The following LRRTM4 variants were observed in gnomAD, a reference collection of about 807,000 sequenced individuals.
LRRTM4 encodes the protein leucine-rich repeat transmembrane neuronal protein 4.
In LRRTM4, 25 loss-of-function variants were observed where a neutral mutation model predicts 47.6. The observed-to-expected ratio is 0.53, with a 90% CI of 0.38 to 0.73. The LOEUF (loss-of-function observed/expected upper bound fraction) is 0.73. LRRTM4 is among the 30% of genes least tolerant of loss of function. The pLI, the probability that LRRTM4 is intolerant of heterozygous loss-of-function variation, is 0.00. For synonymous variants in LRRTM4, 311 were observed against 269.5 expected (o/e 1.15, Z -1.51); for missense variants, 638 against 713.4 (o/e 0.89, Z 1.20).
rs1183613920 is a variant in LRRTM4 at position 77,302,991 on chromosome 2, T to C, written c.1551+215327A>G. 2.6e-5 allele frequency among the ~76,000 whole-genome samples: 4 copies of C among 151,400 alleles called. No homozygotes were observed. The East Asian group carries it at 7.7e-4, about 29-fold the overall frequency. Reference sequence around the variant, plus strand: ...TGGAAACAGAAATGACAAAACTGTTTAATGTTAAAATAAAAAGATCTATCT... The same window carrying C: ...TGGAAACAGAAATGACAAAACTGTTCAATGTTAAAATAAAAAGATCTATCT... On this transcript the variant is annotated intron_variant, in intron 3 of 3. Transcript: ENST00000409884.
At chr2:77,509,552 C>T (rs182974918) in intron 3 of LRRTM4, among the ~76,000 whole-genome samples, 261 of 152,164 alleles carry the variant, frequency 1.7e-3, no homozygotes, top group Non-Finnish European at 3.0e-3. Flanking sequence ...AACCACAACA[C>T]GTGTTTCTAC....
chr2:76,848,660 G>T (rs1035355913), intron 3 of LRRTM4, among the ~76,000 whole-genome samples: 3 of 151,868 alleles, frequency 2.0e-5, no homozygotes, highest in Non-Finnish European at 4.4e-5. Flanking sequence ...TGAAACAAAT[G>T]GATATTATCT....
At chr2:77,401,333 T>C (rs1175328334) in intron 3 of LRRTM4, among the ~76,000 whole-genome samples, 3 of 152,028 alleles carry the variant, frequency 2.0e-5, no homozygotes, top group Non-Finnish European at 4.4e-5. Context: ...GTTAATCTCT[T>C]ACCATGCAGG....
chr2:76,878,030 T>C (rs1037255321), intron 3 of LRRTM4, among the ~76,000 whole-genome samples: 1 of 152,186 alleles, frequency 6.6e-6, no homozygotes, highest in African/African-American at 2.4e-5. Context: ...TTAGAAACCC[T>C]GCATTGAGCA....
chr2:77,055,960 T>A (rs2103786101), intron 3 of LRRTM4, among the ~76,000 whole-genome samples: 1 of 147,156 alleles, frequency 6.8e-6, no homozygotes, highest in South Asian at 2.1e-4. Flanking sequence ...AAACACCGCA[T>A]ATTCTCACTC....
intron 3 of LRRTM4, among the ~76,000 whole-genome samples, chr2:76,905,395 G>T (rs1673792956): frequency 6.6e-6 from 1 of 152,030 alleles, no homozygotes; most frequent in African/African-American, 2.4e-5. Flanking sequence ...CCACAAAGAT[G>T]GGGAAAAAAC....
At chr2:76,822,359 AATAAAC>A (rs2103861698) in intron 3 of LRRTM4, among the ~76,000 whole-genome samples, 1 of 151,724 alleles carries the variant, frequency 6.6e-6, no homozygotes, top group South Asian at 2.1e-4. Flanking sequence ...CGAAAACAGA[AATAAAC>A]ATAAAAGAAA....
chr2:77,100,408 C>T (rs1054619259), intron 3 of LRRTM4, among the ~76,000 whole-genome samples: 22 of 152,100 alleles, frequency 1.4e-4, no homozygotes, highest in African/African-American at 3.9e-4. Flanking sequence ...AACGATGGAG[C>T]GCATTGCCTC....
At chr2:77,083,656 A>G (rs976412792) in intron 3 of LRRTM4, among the ~76,000 whole-genome samples, 10 of 152,128 alleles carry the variant, frequency 6.6e-5, no homozygotes, top group African/African-American at 2.4e-4. Context: ...TTCATGATGA[A>G]CAGTTAGTAA....
At chr2:77,305,105 C>T (rs1054354219) in intron 3 of LRRTM4, among the ~76,000 whole-genome samples, 3 of 151,904 alleles carry the variant, frequency 2.0e-5, no homozygotes, top group Non-Finnish European at 4.4e-5. Flanking sequence ...ACTATATAAG[C>T]TGAGGTTGAA....
At chr2:76,911,642 A>ACG (rs1404063465) in intron 3 of LRRTM4, among the ~76,000 whole-genome samples, 4 of 152,094 alleles carry the variant, frequency 2.6e-5, no homozygotes, top group Admixed American at 1.3e-4. Flanking sequence ...GAAAAGAAAG[A>ACG]GCCAGAGAGA....
intron 3 of LRRTM4, among the ~76,000 whole-genome samples, chr2:77,416,001 A>C (rs1674622413): frequency 6.6e-6 from 1 of 152,148 alleles, no homozygotes; most frequent in Admixed American, 6.6e-5. Flanking sequence ...GTAAGTCTAT[A>C]TAATTGGCTA....
intron 3 of LRRTM4, among the ~76,000 whole-genome samples, chr2:76,900,517 G>C (rs1475469129): frequency 6.6e-6 from 1 of 151,906 alleles, no homozygotes. Context: ...TCTTTCTTGT[G>C]TGCCAAAGCA....
At chr2:76,774,572 G>C (rs943418296) in intron 3 of LRRTM4, among the ~76,000 whole-genome samples, 2 of 152,058 alleles carry the variant, frequency 1.3e-5, no homozygotes, top group Non-Finnish European at 2.9e-5. Flanking sequence ...TTATGATAAA[G>C]AGCTTCATCC....
In LRRTM4 at chr2:76,795,421, A is replaced by C. The variant is rs563863086; in HGVS notation, c.1552-46505T>G. ...TATACTGAACATGTAAAGATTTTTT[A>C]CTGTCATTATTTCCTAAATAAAACA... On this transcript the variant is annotated intron_variant, in intron 3 of 3. Transcript: ENST00000409884. 1.0e-3 allele frequency among the ~76,000 whole-genome samples: 130 copies of C among 128,252 alleles called. 1 individual carries two copies. Among genetic ancestry groups the C allele is most frequent in the Middle Eastern group, 9.2e-3 (2 of 218 alleles). The allele number at this position is 128,252 out of a possible 152,430, so 84.1% of individuals were successfully genotyped here.
chr2:76,778,728 T>A (rs1045140463), intron 3 of LRRTM4, among the ~76,000 whole-genome samples: 4 of 151,258 alleles, frequency 2.6e-5, no homozygotes, highest in Non-Finnish European at 5.9e-5. Context: ...GATTCATTAA[T>A]TTTTTGAAGG....
chr2:77,216,838 C>T (rs562305449), intron 3 of LRRTM4, among the ~76,000 whole-genome samples: 2 of 151,778 alleles, frequency 1.3e-5, no homozygotes, highest in African/African-American at 2.4e-5. Flanking sequence ...TTTGGGAGGC[C>T]GAGGCAGGCA....
intron 3 of LRRTM4, among the ~76,000 whole-genome samples, chr2:77,032,725 CTTCT>C (rs1020441631): frequency 3.9e-4 from 60 of 152,182 alleles, no homozygotes; most frequent in African/African-American, 1.3e-3. Flanking sequence ...GCATTAGGAT[CTTCT>C]TTAAGACTTA....
chr2:77,162,466 GA>G (rs1672758169), intron 3 of LRRTM4, among the ~76,000 whole-genome samples: 1 of 152,160 alleles, frequency 6.6e-6, no homozygotes, highest in African/African-American at 2.4e-5. Flanking sequence ...CAGCTTTGAA[GA>G]GAGTAATGGT....
Sources: gnomAD v4.1 joint callset for allele counts (sites outside exome capture counted in the v4.1 genomes callset) on GRCh38, gnomAD v4.1.1 for gene constraint, MANE v1.5 for transcripts, NCBI Gene and HGNC (gene_info 2026-07-23, HGNC 2026-07-21) for gene names.